Variants in CCDC42 observed in about 807,000 individuals in gnomAD.
CCDC42 encodes the protein coiled-coil domain containing 42, also known as coiled-coil domain-containing protein 42.
In CCDC42, 38 loss-of-function variants were observed where a neutral mutation model predicts 40.8. The ratio of observed to expected loss-of-function variants is 0.93; its 90% CI spans 0.72 to 1.22. CCDC42 has a LOEUF of 1.22. CCDC42 is among the 50% of genes most tolerant of loss of function. CCDC42 has a pLI of 0.00. For synonymous variants in CCDC42, 135 were observed against 157.5 expected (o/e 0.86, Z 1.07); for missense variants, 379 against 416.5 (o/e 0.91, Z 0.78).
rs148247867 is a variant in CCDC42 at position 8,744,545 on chromosome 17, C to T, written c.65G>A (p.Arg22Gln). ...CACTCACTGGAGCATCTGCAGCAGC[C>T]GCTCCCCATACTGCAGCCGGAAGTA... ...AEYFRLQYGE[R>Q]LLQMLQKLPN... Residue 22 changes from arginine to glutamine, a missense_variant, in exon 1 of 7, where the codon CGG becomes CAG. Arg to Gln is a conservative substitution (Grantham distance 43, BLOSUM62 1). Coordinates refer to ENST00000293845, the MANE Select transcript of CCDC42 (RefSeq NM_144681.3). 6.6e-4 allele frequency: 1,061 copies of T among 1,612,024 alleles called. 6 individuals carry two copies. The African/African-American group carries it at 0.013, about 20-fold the overall frequency.
Position 8,741,625 on chromosome 17 carries a change from T to C in CCDC42, c.341A>G (p.Glu114Gly), listed in dbSNP as rs779478994. ...CATGTGCTGGCACTTGAGTTCTCGCTCCTTGTTGGCTTTCTTCATGGCGCG... is the reference window on the plus strand; with the variant it reads ...CATGTGCTGGCACTTGAGTTCTCGCCCCTTGTTGGCTTTCTTCATGGCGCG... ...RIRAMKKANKERELKCQHMQE... is the reference protein window; with the variant it reads ...RIRAMKKANKGRELKCQHMQE... The change falls in exon 4 of 7, where the codon GAG becomes GGG. Residue 114 changes from glutamate to glycine, a missense_variant. Glu to Gly is a moderately conservative substitution (Grantham distance 98). Transcript: ENST00000293845. The C allele has an allele frequency of 2.5e-6, 4 of 1,614,004 alleles. No homozygotes were observed. In the South Asian group the frequency reaches 3.3e-5, roughly 13 times the overall value.
At chr17:8,744,421 TGGGTTACA>T in intron 1 of CCDC42, 98 bp downstream of exon 1, 1 of 959,166 alleles carries the variant, frequency 1.0e-6, no homozygotes, top group South Asian at 1.4e-5. Context: ...TTTGGGGCAC[TGGGTTACA>T]GGAGAGGAGG....
Position 8,735,573 on chromosome 17 carries a change from C to A in CCDC42, c.531G>T (p.Thr177=). 6.2e-7 allele frequency: 1 copy of A among 1,614,108 alleles called. No individual in the cohort carries two copies. ...EIHEVIARYK[T]LVSMRHDLMQ... ...TGAGGTCGTGGCGCATGCTCACCAGCGTCTTGTAGCGTGCAATCACCTCAT... is the reference window on the plus strand; with the variant it reads ...TGAGGTCGTGGCGCATGCTCACCAGAGTCTTGTAGCGTGCAATCACCTCAT... The change falls in exon 5 of 7, where the codon ACG becomes ACT. Residue 177 remains threonine (T), a synonymous_variant. Transcript: ENST00000293845. This position sits in a 1 kb window ranked among gnomAD's most constrained non-coding sequence, Gnocchi z 4.7.
Position 8,743,746 on chromosome 17 carries a change from G to A in CCDC42, c.190-16C>T. ...GCTGAAACATCTTTGGGGTGGGGGT[G>A]GGAGAGCAGAGAGGTCAGGAGGGCT... On this transcript the variant is annotated splice_polypyrimidine_tract_variant and intron_variant, in intron 2 of 6. Coordinates refer to ENST00000293845, the MANE Select transcript of CCDC42 (RefSeq NM_144681.3). 1 of 1,482,794 alleles carries A rather than the reference G, an allele frequency of 6.7e-7. No homozygotes were observed. The highest frequency in any genetic ancestry group is 9.4e-7 in the Non-Finnish European group (1 of 1,061,256). The allele number at this position is 1,482,794 out of a possible 1,614,324, so 91.9% of individuals were successfully genotyped here. A position where few individuals can be genotyped will look rare whatever the true frequency, so the allele number is the denominator to read the frequency against.
chr17:8,743,505 C>T (rs2086657391), intron 3 of CCDC42, 121 bp downstream of exon 3: 3 of 700,666 alleles, frequency 4.3e-6, no homozygotes, highest in Non-Finnish European at 8.0e-6. Flanking sequence ...AATGTTGGAG[C>T]ACTAAGGATG....
intron 3 of CCDC42, among the ~76,000 whole-genome samples, chr17:8,742,950 T>C (rs2086653989): frequency 6.6e-6 from 1 of 152,210 alleles, no homozygotes; most frequent in South Asian, 2.1e-4. Flanking sequence ...CTGGAGAATG[T>C]GCCCAGTCCA....
At chr17:8,732,387 T>G (rs1336784147) in intron 6 of CCDC42, among the ~76,000 whole-genome samples, 2 of 151,640 alleles carry the variant, frequency 1.3e-5, no homozygotes, top group Non-Finnish European at 2.9e-5. Context: ...TTCTAAAACT[T>G]CTCCTTTTCA....
intron 4 of CCDC42, among the ~76,000 whole-genome samples, chr17:8,738,370 T>C (rs1404671814): frequency 6.6e-6 from 1 of 152,154 alleles, no homozygotes; most frequent in Non-Finnish European, 1.5e-5. Context: ...AGGTGTTCAA[T>C]AGACTATTGT....
rs2086600999 is a variant in CCDC42, at chr17:8,735,012, C to T, written c.873+84G>A. 1 of 1,449,410 alleles carries T rather than the reference C, an allele frequency of 6.9e-7. No homozygotes were observed. Among genetic ancestry groups the T allele is most frequent in the Non-Finnish European group, 9.6e-7 (1 of 1,045,390 alleles). 89.8% of individuals were successfully genotyped at this position (1,449,410 alleles called of 1,614,324 possible). ...GAGAGTCCCTGCTCTGCTTCTCTGT[C>T]AGGTTCATTCTTCCACCCAACCAAC... On this transcript the variant is annotated intron_variant, in intron 6 of 6. Transcript: ENST00000293845. The surrounding 1 kb of genome is among the most constrained non-coding windows in gnomAD (Gnocchi z 4.7).
chr17:8,735,578 T>A lies in CCDC42; in HGVS notation c.526A>T (p.Lys176Ter). The A allele has an allele frequency of 6.2e-7, 1 of 1,614,100 alleles. No homozygotes were observed. ...EEIHEVIARY[K>*]TLVSMRHDLM... The stretch of plus-strand genomic sequence containing the variant: ...TCGTGGCGCATGCTCACCAGCGTCT[T>A]GTAGCGTGCAATCACCTCATGGATC... Residue 176 changes from lysine to a stop codon, truncating the protein, a stop_gained, in exon 5 of 7, where the codon AAG becomes TAG. Transcript: ENST00000293845. LOFTEE classifies it high-confidence loss of function. The surrounding 1 kb of genome is among the most constrained non-coding windows in gnomAD (Gnocchi z 4.7).
chr17:8,731,886 T>C (rs9905108), intron 6 of CCDC42, among the ~76,000 whole-genome samples: 124,183 of 151,746 alleles, frequency 0.82, 51,052 homozygotes, highest in African/African-American at 0.87. Context: ...CCTGCTTGGC[T>C]GGACGCGGTA....
chr17:8,738,119 C>T (rs905718819), intron 4 of CCDC42, among the ~76,000 whole-genome samples: 4 of 152,294 alleles, frequency 2.6e-5, no homozygotes, highest in Admixed American at 1.3e-4. Flanking sequence ...AGCCACCACG[C>T]TTGACCCATT....
At chr17:8,743,497 T>C (rs2151140950) in intron 3 of CCDC42, 129 bp downstream of exon 3, 1 of 680,946 alleles carries the variant, frequency 1.5e-6, no homozygotes, top group Admixed American at 2.2e-5. Context: ...TGCCAGGCAA[T>C]GTTGGAGCAC....
At chr17:8,736,801 T>C (rs1284338929) in intron 4 of CCDC42, among the ~76,000 whole-genome samples, 2 of 151,942 alleles carry the variant, frequency 1.3e-5, no homozygotes, top group African/African-American at 4.8e-5. Flanking sequence ...GAGGCAGTGC[T>C]ACAGGTGAAG....
At chr17:8,736,804 AG>A (rs918004116) in intron 4 of CCDC42, among the ~76,000 whole-genome samples, 4 of 152,036 alleles carry the variant, frequency 2.6e-5, no homozygotes, top group Non-Finnish European at 5.9e-5. Context: ...GCAGTGCTAC[AG>A]GTGAAGGAGA....
chr17:8,731,566 A>G (rs749310790), intron 6 of CCDC42, among the ~76,000 whole-genome samples: 15 of 152,272 alleles, frequency 9.9e-5, no homozygotes, highest in Non-Finnish European at 1.6e-4. Flanking sequence ...AATACTATGT[A>G]GCCATAAAAA....
At chr17:8,741,815 T>C (rs996188752) in intron 3 of CCDC42, 144 bp from the exon 4 acceptor site, 2 of 757,316 alleles carry the variant, frequency 2.6e-6, no homozygotes, top group African/African-American at 1.8e-5. Context: ...GGGCCACCCA[T>C]GGGGCAGAAG....
intron 6 of CCDC42, among the ~76,000 whole-genome samples, chr17:8,733,735 C>T (rs1290241799): frequency 6.6e-6 from 1 of 152,098 alleles, no homozygotes; most frequent in Non-Finnish European, 1.5e-5. Context: ...ATGATCCACC[C>T]GCCTCAGCCT....
At position 8,743,634 on chromosome 17, in the gene CCDC42, A is replaced by ACT; in HGVS notation, c.284_285dup (p.Phe96SerfsTer14). On this transcript the variant is annotated frameshift_variant, in exon 3 of 7. Transcript: ENST00000293845. LOFTEE classifies it high-confidence loss of function. ...CCCACACCCCTTCAAACCTGGATGAACTGCTCAGACTTCTGGATGTGAGCC... is the reference window on the plus strand; with the variant it reads ...CCCACACCCCTTCAAACCTGGATGAACTCTGCTCAGACTTCTGGATGTGAGCC... 1 of 1,605,224 alleles carries ACT rather than the reference A, an allele frequency of 6.2e-7. No homozygotes were observed.
Sources: gnomAD v4.1 joint callset for allele counts (sites outside exome capture counted in the v4.1 genomes callset) on GRCh38, gnomAD v4.1.1 for gene constraint, Gnocchi (gnomAD v3.1) non-coding constraint, MANE v1.5 for transcripts, NCBI Gene and HGNC (gene_info 2026-07-23, HGNC 2026-07-21) for gene names.